ATP11B: variants seen among roughly 807,000 people sequenced by gnomAD.
The protein encoded by ATP11B is phospholipid-transporting ATPase IF.
Under a neutral mutation model 157.8 loss-of-function variants are expected in ATP11B, and 81 were observed. That is an observed-to-expected ratio of 0.51 (90% confidence interval 0.43 to 0.62). The LOEUF (loss-of-function observed/expected upper bound fraction) is 0.62. Among genes scored for constraint, ATP11B ranks in the 20% least tolerant of loss-of-function variants. The pLI, the probability that ATP11B is intolerant of heterozygous loss-of-function variation, is 0.00. For synonymous variants in ATP11B, 451 were observed against 469.4 expected (o/e 0.96, Z 0.51); for missense variants, 1,165 against 1,402.2 (o/e 0.83, Z 2.70).
intron 28 of ATP11B, among the ~76,000 whole-genome samples, chr3:182,903,641 A>G (rs1432102798): frequency 2.6e-5 from 4 of 152,234 alleles, no homozygotes. Context: ...GTAGTCAACT[A>G]AATTTTATAT....
chr3:182,844,978 C>G (rs1719356191), intron 8 of ATP11B, among the ~76,000 whole-genome samples: 1 of 144,386 alleles, frequency 6.9e-6, no homozygotes. Context: ...TTAGCCTAGG[C>G]AGCCTTTTTT....
At chr3:182,820,730 ATGTG>A (rs900538750) in intron 2 of ATP11B, among the ~76,000 whole-genome samples, 1 of 152,056 alleles carries the variant, frequency 6.6e-6, no homozygotes, top group Non-Finnish European at 1.5e-5. Flanking sequence ...AAGTGATTAT[ATGTG>A]TGTGTGTGTA....
intron 9 of ATP11B, among the ~76,000 whole-genome samples, chr3:182,846,745 C>T (rs73050654): frequency 0.13 from 20,452 of 152,078 alleles, 1,645 homozygotes; most frequent in African/African-American, 0.23. Flanking sequence ...TTGTATGATT[C>T]CATTTATTTG....
intron 29 of ATP11B, chr3:182,916,257 T>C (rs1377461886): frequency 2.0e-6 from 2 of 985,228 alleles, no homozygotes; most frequent in African/African-American, 3.5e-5. Context: ...TTCTATTTCA[T>C]GTCTAATTTA....
At chr3:182,861,254 G>T (rs1211601467) in intron 12 of ATP11B, among the ~76,000 whole-genome samples, 1 of 151,806 alleles carries the variant, frequency 6.6e-6, no homozygotes, top group Non-Finnish European at 1.5e-5. Context: ...TAGTAGAAAC[G>T]TGGTTTCTCC....
In ATP11B at chr3:182,921,171, G is replaced by GT. The variant is rs1725460083; in HGVS notation, c.*3072dup. ...AAAAGGGAGAATCTTCCATGTTGGT[G>GT]TTTTTCCTGTAAAGATCAGTTTGGG... On this transcript the variant is annotated 3_prime_UTR_variant, in exon 30 of 30. Transcript: ENST00000323116. 1.3e-5 allele frequency: 2 copies of GT among 152,136 alleles called. No individual in the cohort carries two copies. The highest frequency in any genetic ancestry group is 4.8e-5 in the African/African-American group (2 of 41,434). The allele number at this position is 152,136 out of a possible 1,614,324, so 9.4% of individuals were successfully genotyped here.
intron 18 of ATP11B, 151 bp downstream of exon 18, chr3:182,872,688 C>T: frequency 1.4e-6 from 1 of 694,796 alleles, no homozygotes; most frequent in Non-Finnish European, 2.3e-6. Flanking sequence ...TTTTCCCGGT[C>T]AGTATGTACA....
In ATP11B at chr3:182,822,785, T is replaced by C. The variant is rs901169670; in HGVS notation, c.144+2409T>C. ...CACATCCTCTCCAGCACCTGTTGTT[T>C]CCTGACTTTTTAATGATCGCCATTC... On this transcript the variant is annotated intron_variant, in intron 2 of 29. Coordinates refer to ENST00000323116, the MANE Select transcript of ATP11B (RefSeq NM_014616.3). Among the ~76,000 whole-genome samples the C allele has an allele frequency of 2.0e-4, 31 of 152,330 alleles. 1 individual carries two copies. The highest frequency in any genetic ancestry group is 1.8e-3 in the Admixed American group (27 of 15,300).
chr3:182,900,442 T>C (rs374547641), intron 28 of ATP11B, among the ~76,000 whole-genome samples: 1 of 152,224 alleles, frequency 6.6e-6, no homozygotes, highest in Non-Finnish European at 1.5e-5. Flanking sequence ...TGCTCTGTTA[T>C]ACTGATCTCC....
chr3:182,813,231 C>G (rs568039884), intron 1 of ATP11B, among the ~76,000 whole-genome samples: 1 of 152,076 alleles, frequency 6.6e-6, no homozygotes, highest in South Asian at 2.1e-4. Context: ...AAGTATATAC[C>G]CAGAAGTAGA....
rs890136692 is a variant in ATP11B at position 182,799,849 on chromosome 3, C to T, written c.27+6063C>T. Among the ~76,000 whole-genome samples the T allele has an allele frequency of 3.1e-4, 47 of 152,190 alleles. No individual in the cohort carries two copies. The Middle Eastern group carries it at 0.017, about 55-fold the overall frequency. On this transcript the variant is annotated intron_variant, in intron 1 of 29. Transcript: ENST00000323116. ...ACATTCTAGGCCAGGTGTGGTGGCT[C>T]AAACCTGTAACCTCGGCACTTTGGG...
chr3:182,884,528 T>C (rs1560112339), intron 21 of ATP11B, among the ~76,000 whole-genome samples: 1 of 152,140 alleles, frequency 6.6e-6, no homozygotes, highest in Non-Finnish European at 1.5e-5. Context: ...TCTTTTTATA[T>C]TCTAATTCTT....
At chr3:182,829,646 T>C in intron 3 of ATP11B, 26 bp from the exon 4 acceptor site, 1 of 1,407,626 alleles carries the variant, frequency 7.1e-7, no homozygotes, top group Non-Finnish European at 9.9e-7. Context: ...AAATATAATA[T>C]TCTGTATTCT....
At chr3:182,840,377 A>G (rs529714699) in intron 7 of ATP11B, among the ~76,000 whole-genome samples, 3 of 151,902 alleles carry the variant, frequency 2.0e-5, no homozygotes, top group Admixed American at 1.3e-4. Context: ...ACCTTTCGCT[A>G]TCTACCCTCA....
At chr3:182,865,326 T>C (rs1239137207) in intron 12 of ATP11B, 130 bp from the exon 13 acceptor site, 6 of 796,780 alleles carry the variant, frequency 7.5e-6, no homozygotes, top group Non-Finnish European at 1.2e-5. Context: ...ATTATAAGAA[T>C]CTCAGCATCC....
intron 2 of ATP11B, among the ~76,000 whole-genome samples, chr3:182,825,956 A>G (rs192019312): frequency 4.6e-5 from 7 of 152,304 alleles, no homozygotes; most frequent in African/African-American, 1.4e-4. Context: ...GCCATGTTTT[A>G]GTTTTCTTAG....
chr3:182,820,401 A>G, intron 2 of ATP11B, 25 bp downstream of exon 2: 1 of 1,498,058 alleles, frequency 6.7e-7, no homozygotes, highest in East Asian at 2.3e-5. Context: ...TTTTATTGTT[A>G]GGCCAGGTGC....
At chr3:182,798,091 C>G (rs1253032551) in intron 1 of ATP11B, among the ~76,000 whole-genome samples, 2 of 152,122 alleles carry the variant, frequency 1.3e-5, no homozygotes, top group East Asian at 3.9e-4. Flanking sequence ...GAGCCATGAT[C>G]ATGCCACCAC....
Position 182,880,865 on chromosome 3 carries a change from AT to A in ATP11B, c.2407-12del. The A allele has an allele frequency of 6.6e-7, 1 of 1,524,022 alleles. No homozygotes were observed. The highest frequency in any genetic ancestry group is 1.3e-5 in the South Asian group (1 of 79,882). The allele number at this position is 1,524,022 out of a possible 1,614,324, so 94.4% of individuals were successfully genotyped here. Reference sequence around the variant, plus strand: ...AACTTGCGTCATAAATAACCAATTCATTATGTCTTTCAGGTAATAAGACTAA... The same window carrying A: ...AACTTGCGTCATAAATAACCAATTCATATGTCTTTCAGGTAATAAGACTAA... On this transcript the variant is annotated splice_polypyrimidine_tract_variant and intron_variant, in intron 20 of 29. Transcript: ENST00000323116.
Sources: gnomAD v4.1 joint callset for allele counts (sites outside exome capture counted in the v4.1 genomes callset) on GRCh38, gnomAD v4.1.1 for gene constraint, MANE v1.5 for transcripts, NCBI Gene and HGNC (gene_info 2026-07-23, HGNC 2026-07-21) for gene names.